SH3RF3: variants seen among roughly 807,000 people sequenced by gnomAD.
SH3RF3 encodes the protein SH3 domain containing ring finger 3, also known as E3 ubiquitin-protein ligase SH3RF3.
Under a neutral mutation model 66.3 loss-of-function variants are expected in SH3RF3, and 29 were observed. The ratio of observed to expected loss-of-function variants is 0.44; its 90% CI spans 0.33 to 0.60. The LOEUF (loss-of-function observed/expected upper bound fraction) is 0.60. Among genes scored for constraint, SH3RF3 ranks in the 20% least tolerant of loss-of-function variants. The pLI is 0.04. For missense variants in SH3RF3, 1,194 were observed against 1,190.9 expected (o/e 1.00, Z -0.04); for synonymous variants, 583 against 532.0 (o/e 1.10, Z -1.32).
intron 1 of SH3RF3, among the ~76,000 whole-genome samples, chr2:109,240,660 C>T (rs1400351170): frequency 2.0e-5 from 3 of 152,118 alleles, no homozygotes; most frequent in East Asian, 1.9e-4. Context: ...CGGATTATTT[C>T]ACACGAACCA....
intron 1 of SH3RF3, among the ~76,000 whole-genome samples, chr2:109,163,043 C>T (rs970085258): frequency 5.9e-5 from 9 of 152,176 alleles, no homozygotes; most frequent in African/African-American, 2.2e-4. Context: ...ATAGTGATAG[C>T]TGGGGCACTG....
intron 1 of SH3RF3, among the ~76,000 whole-genome samples, chr2:109,339,830 TCC>T (rs1262895945): frequency 6.6e-6 from 1 of 152,170 alleles, no homozygotes; most frequent in Non-Finnish European, 1.5e-5. Flanking sequence ...ATCTGGACCC[TCC>T]TGGCCCAACG....
chr2:109,195,317 G>A (rs968966681), intron 1 of SH3RF3, among the ~76,000 whole-genome samples: 1 of 152,154 alleles, frequency 6.6e-6, no homozygotes, highest in Non-Finnish European at 1.5e-5. Flanking sequence ...GCAGTTCCTG[G>A]GAGGAAGGAG....
In SH3RF3 at chr2:109,306,055, G is replaced by A. The variant is rs1681589235; in HGVS notation, c.574-41619G>A. On this transcript the variant is annotated intron_variant, in intron 1 of 9. Transcript: ENST00000309415. ...GCTGCCTTCTGCTGGGCTCTTACTG[G>A]CAGCGACAGTGGGATGTGCTTGGGA... 2.6e-5 allele frequency among the ~76,000 whole-genome samples: 4 copies of A among 152,212 alleles called. No individual in the cohort carries two copies. In the South Asian group the frequency reaches 8.3e-4, roughly 32 times the overall value.
intron 1 of SH3RF3, among the ~76,000 whole-genome samples, chr2:109,334,357 TTA>T (rs1491567163): frequency 1.3e-4 from 13 of 97,674 alleles, no homozygotes; most frequent in Admixed American, 8.6e-4. Context: ...TTTTTTTCCT[TTA>T]AAAAAAAAAA....
At chr2:109,267,444 C>T (rs1019609634) in intron 1 of SH3RF3, among the ~76,000 whole-genome samples, 11 of 152,230 alleles carry the variant, frequency 7.2e-5, no homozygotes, top group African/African-American at 1.9e-4. Context: ...CTGAGGAAGC[C>T]TGGCTCCCGG....
At chr2:109,491,878 A>G (rs1679139171) in intron 9 of SH3RF3, among the ~76,000 whole-genome samples, 1 of 152,254 alleles carries the variant, frequency 6.6e-6, no homozygotes, top group Non-Finnish European at 1.5e-5. Context: ...CCGGGAAGGC[A>G]GCCTCTGCCC....
rs1679423031 is a variant in SH3RF3, at chr2:109,502,718, T to C, written c.*1047T>C. 2 of 152,222 alleles carry C rather than the reference T, an allele frequency of 1.3e-5. No individual in the cohort carries two copies. The highest frequency in any genetic ancestry group is 4.8e-5 in the African/African-American group (2 of 41,446). 9.4% of individuals were successfully genotyped at this position (152,222 alleles called of 1,614,324 possible). ...GAGGAAGGGCCACTATAATTGTCCT[T>C]TTGTGTGGCGGTAGAAGGAGCACGC... is the stretch of plus-strand genomic sequence containing the variant. On this transcript the variant is annotated 3_prime_UTR_variant, in exon 10 of 10. Coordinates refer to ENST00000309415, the MANE Select transcript of SH3RF3 (RefSeq NM_001099289.3).
intron 1 of SH3RF3, among the ~76,000 whole-genome samples, chr2:109,317,179 A>AGTTTTCATCCTCT (rs57504663): frequency 0.31 from 47,151 of 151,534 alleles, 9,071 homozygotes; most frequent in African/African-American, 0.55. Context: ...TGTGGATGTA[A>AGTTTTCATCCTCT]GTTTTCATGG....
intron 2 of SH3RF3, among the ~76,000 whole-genome samples, chr2:109,348,861 A>G (rs1477374700): frequency 1.3e-5 from 2 of 152,058 alleles, no homozygotes; most frequent in Non-Finnish European, 2.9e-5. Context: ...CCAGAATCCT[A>G]ATGCAGATCT....
intron 1 of SH3RF3, among the ~76,000 whole-genome samples, chr2:109,220,765 A>G (rs915507033): frequency 6.6e-6 from 1 of 152,220 alleles, no homozygotes; most frequent in Non-Finnish European, 1.5e-5. Flanking sequence ...AGTAGAAGAT[A>G]ATAAGGGTTA....
intron 1 of SH3RF3, among the ~76,000 whole-genome samples, chr2:109,158,818 G>T (rs774393033): frequency 2.5e-4 from 38 of 152,192 alleles, no homozygotes; most frequent in Non-Finnish European, 4.3e-4. Context: ...ACCAGCCCTG[G>T]TCTACATGCT....
intron 1 of SH3RF3, among the ~76,000 whole-genome samples, chr2:109,205,545 G>A (rs1007659641): frequency 4.6e-5 from 7 of 152,240 alleles, no homozygotes; most frequent in East Asian, 1.9e-4. Context: ...ACTGTGCCCC[G>A]CCCAACTTAT....
chr2:109,408,217 C>T (rs1038853808), intron 4 of SH3RF3, among the ~76,000 whole-genome samples: 8 of 152,196 alleles, frequency 5.3e-5, no homozygotes, highest in Non-Finnish European at 8.8e-5. Context: ...GAGACTAGCA[C>T]ACAGTCCATG....
At chr2:109,232,375 G>T (rs1679533133) in intron 1 of SH3RF3, among the ~76,000 whole-genome samples, 1 of 152,154 alleles carries the variant, frequency 6.6e-6, no homozygotes, top group Non-Finnish European at 1.5e-5. Context: ...ATATGGCTCA[G>T]GTTAGTACTT....
At chr2:109,317,887 A>T (rs533811270) in intron 1 of SH3RF3, among the ~76,000 whole-genome samples, 82 of 144,638 alleles carry the variant, frequency 5.7e-4, no homozygotes, top group Admixed American at 8.0e-4. Flanking sequence ...CCAAGAGGAA[A>T]GATGTATGTG....
chr2:109,321,591 A>G (rs145525115), intron 1 of SH3RF3, among the ~76,000 whole-genome samples: 109 of 152,374 alleles, frequency 7.2e-4, no homozygotes, highest in African/African-American at 2.6e-3. Flanking sequence ...TGAGACAATC[A>G]ATAGAGGATT....
intron 1 of SH3RF3, among the ~76,000 whole-genome samples, chr2:109,238,781 A>G (rs1679708175): frequency 6.6e-6 from 1 of 152,092 alleles, no homozygotes; most frequent in Admixed American, 6.5e-5. Context: ...CTTGCAATAC[A>G]GAGGCAAGGC....
chr2:109,395,418 G>A (rs538328387), intron 3 of SH3RF3, among the ~76,000 whole-genome samples: 17 of 152,336 alleles, frequency 1.1e-4, no homozygotes, highest in South Asian at 1.0e-3. Flanking sequence ...GAGACCCCTC[G>A]GCAGCGGTTC....
Sources: allele counts gnomAD v4.1 joint callset (sites outside exome capture counted in the v4.1 genomes callset), GRCh38; gene constraint gnomAD v4.1.1; transcripts MANE v1.5; gene names NCBI Gene and HGNC (gene_info 2026-07-23, HGNC 2026-07-21).